OTOGL: variants seen among roughly 807,000 people sequenced by gnomAD.
OTOGL encodes otogelin like, also known as otogelin-like protein.
Under a neutral mutation model 318.5 loss-of-function variants are expected in OTOGL, and 285 were observed. The ratio of observed to expected loss-of-function variants is 0.89; its 90% confidence interval spans 0.81 to 0.99. OTOGL has a LOEUF of 0.99. Among genes scored for constraint, OTOGL ranks in the 50% least tolerant of loss-of-function variants. OTOGL has a pLI of 0.00. For missense variants in OTOGL, 2,899 were observed against 2,845.6 expected, an observed-to-expected ratio of 1.02 and a Z score of -0.43; for synonymous variants, 987 against 936.5, an observed-to-expected ratio of 1.05 and a Z score of -0.99.
chr12:80,302,796 A>G lies in OTOGL; in HGVS notation c.3213+13A>G. The G allele has an allele frequency of 6.9e-7, 1 of 1,454,174 alleles. No homozygotes were observed. The highest frequency in any genetic ancestry group is 1.4e-5 in the African/African-American group (1 of 69,966). The allele number at this position is 1,454,174 out of a possible 1,614,324, so 90.1% of individuals were successfully genotyped here. A position where few individuals can be genotyped will look rare whatever the true frequency, so the allele number is the denominator to read the frequency against. On this transcript the variant is annotated intron_variant, in intron 28 of 58. Coordinates refer to ENST00000547103, the MANE Select transcript of OTOGL (RefSeq NM_001378609.3). ...GCCACAGTGGAAGGTAGGTCAACCTAAGCTCCAAATGAGATGTAATGAATA... is the reference window on the plus strand; with the variant it reads ...GCCACAGTGGAAGGTAGGTCAACCTGAGCTCCAAATGAGATGTAATGAATA...
chr12:80,361,997 T>C (rs1890263674), intron 52 of OTOGL, among the ~76,000 whole-genome samples: 1 of 152,192 alleles, frequency 6.6e-6, no homozygotes, highest in South Asian at 2.1e-4. Flanking sequence ...TACTCCCATT[T>C]GTCCATTTTT....
Position 80,353,510 on chromosome 12 carries a change from G to A in OTOGL, c.5593G>A (p.Ala1865Thr). ...CCAGTGCATTCCAGAGAAAGAGTGT[G>A]GTAAGACACAAAGTACAAAATGACT... The part of the protein sequence containing the change: ...SAQCIPEKEC[A>T]CTDSEDQPRT... Residue 1865 changes from alanine (A) to threonine (T), a missense_variant and splice_region_variant, in exon 46 of 59, where the codon GCA becomes ACA. Coordinates refer to ENST00000547103, the MANE Select transcript of OTOGL (RefSeq NM_001378609.3). 1 of 1,533,898 alleles carries A rather than the reference G, an allele frequency of 6.5e-7. No homozygotes were observed. The highest frequency in any genetic ancestry group is 1.3e-5 in the South Asian group (1 of 75,870).
rs756353566 is a variant in OTOGL at position 80,336,457 on chromosome 12, G to A, written c.4645G>A (p.Gly1549Arg). 5 of 1,608,782 alleles carry A rather than the reference G, an allele frequency of 3.1e-6. No homozygotes were observed. Among genetic ancestry groups the A allele is most frequent in the Non-Finnish European group, 4.2e-6 (5 of 1,176,818 alleles). Reference sequence around the variant, plus strand: ...AGAACTGAGCATTATTACATTTGATGGAAACAACGCAGCATTATATAGCAT... The same window carrying A: ...AGAACTGAGCATTATTACATTTGATAGAAACAACGCAGCATTATATAGCAT... ...LSELSIITFD[G>R]NNAALYSMAS... is the part of the protein sequence containing the mutation. Residue 1549 changes from glycine to arginine, a missense_variant, in exon 40 of 59, where the codon GGA becomes AGA. Around this residue, in one of 3 missense-constraint regions of OTOGL, gnomAD observed 2,607 missense variants for 2,524.9 expected, o/e 1.03. Coordinates refer to ENST00000547103, the MANE Select transcript of OTOGL (RefSeq NM_001378609.3).
intron 1 of OTOGL, among the ~76,000 whole-genome samples, chr12:80,190,885 A>T (rs1875647438): frequency 6.8e-6 from 1 of 147,804 alleles, no homozygotes; most frequent in Non-Finnish European, 1.5e-5. Flanking sequence ...TTCTTCCTTT[A>T]CTTTGTAGTT....
At chr12:80,320,335 T>C in intron 33 of OTOGL, 87 bp from the exon 34 acceptor site, 1 of 1,331,980 alleles carries the variant, frequency 7.5e-7, no homozygotes, top group Non-Finnish European at 1.0e-6. Context: ...TGCAGTACTA[T>C]TTTGTTTACT....
intron 35 of OTOGL, among the ~76,000 whole-genome samples, chr12:80,326,345 CTATTA>C (rs1887679570): frequency 6.6e-6 from 1 of 151,660 alleles, no homozygotes; most frequent in Non-Finnish European, 1.5e-5. Context: ...TCTAATATGC[CTATTA>C]TGAGAACCAT....
At chr12:80,319,047 G>A (rs938853657) in intron 33 of OTOGL, among the ~76,000 whole-genome samples, 1 of 152,090 alleles carries the variant, frequency 6.6e-6, no homozygotes, top group Non-Finnish European at 1.5e-5. Flanking sequence ...ATATTTGAAA[G>A]GTTTTATGCC....
chr12:80,293,445 C>T (rs1885177478), intron 26 of OTOGL, among the ~76,000 whole-genome samples: 1 of 152,156 alleles, frequency 6.6e-6, no homozygotes, highest in Non-Finnish European at 1.5e-5. Context: ...TGTCTTCTTA[C>T]AAGAACCTTA....
chr12:80,351,626 A>G (rs1473680555), intron 44 of OTOGL, among the ~76,000 whole-genome samples: 1 of 152,028 alleles, frequency 6.6e-6, no homozygotes, highest in African/African-American at 2.4e-5. Context: ...ATGGACTATG[A>G]AAAAATACTA....
At chr12:80,347,602 A>G (rs1392693253) in intron 44 of OTOGL, among the ~76,000 whole-genome samples, 1 of 151,554 alleles carries the variant, frequency 6.6e-6, no homozygotes, top group Admixed American at 6.6e-5. Context: ...CAATAAACAT[A>G]TGTAGAATGA....
rs1163042731 is a variant in OTOGL, at chr12:80,157,831, G to A, written c.-19-51582G>A. ...GACAGTGGTTTCTTGCTGCTCTCTGGCTTATCTCACTCTTCTATGTTGGCT... is the reference window on the plus strand; with the variant it reads ...GACAGTGGTTTCTTGCTGCTCTCTGACTTATCTCACTCTTCTATGTTGGCT... On this transcript the variant is annotated intron_variant, in intron 1 of 58. Coordinates refer to ENST00000547103, the MANE Select transcript of OTOGL (RefSeq NM_001378609.3). 2.6e-5 allele frequency among the ~76,000 whole-genome samples: 4 copies of A among 151,884 alleles called. No individual in the cohort carries two copies. The East Asian group carries it at 7.7e-4, about 29-fold the overall frequency.
chr12:80,299,660 C>T (rs1885632605), intron 27 of OTOGL, among the ~76,000 whole-genome samples: 1 of 149,094 alleles, frequency 6.7e-6, no homozygotes, highest in Non-Finnish European at 1.5e-5. Flanking sequence ...ATGCACAATT[C>T]TAATTTTATC....
chr12:80,110,936 G>A (rs1321861142), intron 1 of OTOGL, among the ~76,000 whole-genome samples: 1 of 152,094 alleles, frequency 6.6e-6, no homozygotes, highest in Non-Finnish European at 1.5e-5. Flanking sequence ...TTTAATGATT[G>A]CCATTCTAAC....
chr12:80,331,079 C>T (rs1463228458), intron 37 of OTOGL, among the ~76,000 whole-genome samples: 1 of 152,130 alleles, frequency 6.6e-6, no homozygotes, highest in Non-Finnish European at 1.5e-5. Flanking sequence ...AAAATCCCAG[C>T]TACTGCTTTG....
intron 42 of OTOGL, 29 bp from the exon 43 acceptor site, chr12:80,339,046 T>A (rs1400937410): frequency 6.7e-7 from 1 of 1,495,430 alleles, no homozygotes; most frequent in Non-Finnish European, 9.2e-7. Context: ...AGTAAATATT[T>A]CTTAACAGGT....
At chr12:80,305,765 ATTC>A (rs1886070072) in intron 29 of OTOGL, 70 bp downstream of exon 29, 4 of 1,196,734 alleles carry the variant, frequency 3.3e-6, no homozygotes, top group South Asian at 2.2e-5. Context: ...AGAACATTTT[ATTC>A]TTATTTAGGT....
intron 26 of OTOGL, among the ~76,000 whole-genome samples, chr12:80,279,962 G>GT (rs912499992): frequency 1.7e-4 from 25 of 149,632 alleles, no homozygotes; most frequent in African/African-American, 3.7e-4. Context: ...GCCAACATCT[G>GT]TTTTTTTTTG....
chr12:80,334,669 G>C (rs1037656034), intron 38 of OTOGL, among the ~76,000 whole-genome samples: 4 of 152,092 alleles, frequency 2.6e-5, no homozygotes, highest in African/African-American at 9.7e-5. Flanking sequence ...CTAAGGAAAA[G>C]AATATTATAA....
chr12:80,179,705 C>G (rs1874785775), intron 1 of OTOGL, among the ~76,000 whole-genome samples: 1 of 152,190 alleles, frequency 6.6e-6, no homozygotes, highest in Non-Finnish European at 1.5e-5. Flanking sequence ...CCAGGGCATT[C>G]AGTGCTTAGA....
Sources: gnomAD v4.1 joint callset for allele counts (sites outside exome capture counted in the v4.1 genomes callset) on GRCh38, gnomAD v4.1.1 for gene constraint, gnomAD v4.1.1 regional missense constraint, MANE v1.5 for transcripts, NCBI Gene and HGNC (gene_info 2026-07-23, HGNC 2026-07-21) for gene names.